Variants in DNAH9 observed in about 807,000 individuals in gnomAD.
DNAH9 encodes dynein axonemal heavy chain 9.
DNAH9 carries 345 observed loss-of-function variants against 471.6 expected under a neutral mutation model. The ratio of observed to expected loss-of-function variants is 0.73; its 90% CI spans 0.67 to 0.80. The LOEUF (loss-of-function observed/expected upper bound fraction) is 0.80. DNAH9 is among the 30% of genes least tolerant of loss of function. The pLI is 0.00. For synonymous variants in DNAH9, 2,093 were observed against 2,123.6 expected (o/e 0.99, Z 0.40); for missense variants, 5,407 against 5,609.2 (o/e 0.96, Z 1.15).
rs746429745 is a variant in DNAH9 at position 11,780,924 on chromosome 17, T to C, written c.7553-85T>C. The C allele has an allele frequency of 3.3e-4, 474 of 1,429,384 alleles. 2 individuals are homozygous for C. The highest frequency in any genetic ancestry group is 4.1e-4 in the Non-Finnish European group (428 of 1,055,298). 88.5% of individuals were successfully genotyped at this position (1,429,384 alleles called of 1,614,324 possible). A position where few individuals can be genotyped will look rare whatever the true frequency, so the allele number is the denominator to read the frequency against. On this transcript the variant is annotated intron_variant, in intron 38 of 68. Coordinates refer to ENST00000262442, the MANE Select transcript of DNAH9 (RefSeq NM_001372.4). ...TTTTGCACACATGAAGGCAGCACCA[T>C]TGCTTCTCCTTGAAATCTTTGCTGT... is the stretch of plus-strand genomic sequence containing the variant.
At position 11,952,831 on chromosome 17, in the gene DNAH9, G is replaced by A. The variant is rs114656140; in HGVS notation, c.12844-9036G>A. On this transcript the variant is annotated intron_variant, in intron 67 of 68. Transcript: ENST00000262442. ...GGTACAGCTGCTGTAACAAAATACC[G>A]TAGACGGTGTGGCTTAAACAACAGA... Among the ~76,000 whole-genome samples, 929 of 152,160 alleles carry A rather than the reference G, an allele frequency of 6.1e-3. 10 individuals are homozygous for A. Among genetic ancestry groups the A allele is most frequent in the African/African-American group, 0.02 (836 of 41,514 alleles).
intron 52 of DNAH9, among the ~76,000 whole-genome samples, chr17:11,874,235 A>G (rs1368415162): frequency 7.4e-6 from 1 of 134,838 alleles, no homozygotes; most frequent in Non-Finnish European, 1.6e-5. Context: ...ACAGAGCAAG[A>G]TTCCATCTCA....
Position 11,757,566 on chromosome 17 carries a change from C to A in DNAH9, c.6869C>A (p.Ala2290Glu). 1 of 1,613,688 alleles carries A rather than the reference C, an allele frequency of 6.2e-7. No homozygotes were observed. The highest frequency in any genetic ancestry group is 8.5e-7 in the Non-Finnish European group (1 of 1,179,620). ...SRAGILYINP[A>E]DLGWNPPVSS... The stretch of plus-strand genomic sequence containing the variant: ...ACAGGGATCTTGTACATCAACCCGG[C>A]AGACTTGGGATGGAACCCTCCAGTG... The change falls in exon 35 of 69, where the codon GCA (alanine) becomes GAA (glutamate). Residue 2290 changes from alanine to glutamate, a missense_variant. By Grantham distance (107) the Ala-to-Glu change is moderately radical (BLOSUM62 -1). Around this residue, in one of 3 missense-constraint regions of DNAH9, gnomAD observed 4,636 missense variants for 4,900.3 expected, o/e 0.95. Coordinates refer to ENST00000262442, the MANE Select transcript of DNAH9 (RefSeq NM_001372.4).
intron 67 of DNAH9, among the ~76,000 whole-genome samples, chr17:11,954,822 A>ATGAT (rs1186041762): frequency 6.6e-6 from 1 of 151,906 alleles, no homozygotes; most frequent in Non-Finnish European, 1.5e-5. Flanking sequence ...AAGAAAGAAA[A>ATGAT]TGATATATGG....
chr17:11,611,904 CT>C, intron 4 of DNAH9, 124 bp downstream of exon 4: 1 of 908,522 alleles, frequency 1.1e-6, no homozygotes, highest in Non-Finnish European at 1.8e-6. Context: ...CCGACACAAA[CT>C]AGCATGGTGG....
At chr17:11,792,394 C>T (rs1969096982) in intron 41 of DNAH9, among the ~76,000 whole-genome samples, 1 of 152,192 alleles carries the variant, frequency 6.6e-6, no homozygotes, top group African/African-American at 2.4e-5. Context: ...ATTAAATGAT[C>T]CCTTTCCCTC....
At chr17:11,941,733 T>C (rs1025279533) in intron 66 of DNAH9, among the ~76,000 whole-genome samples, 1 of 148,014 alleles carries the variant, frequency 6.8e-6, no homozygotes, top group Admixed American at 6.8e-5. Flanking sequence ...GATAGATAGA[T>C]AGATAGTGAT....
At chr17:11,854,946 T>A (rs1971570458) in intron 50 of DNAH9, among the ~76,000 whole-genome samples, 1 of 152,234 alleles carries the variant, frequency 6.6e-6, no homozygotes. Context: ...TAAACTCATG[T>A]AGATATTGTT....
intron 19 of DNAH9, among the ~76,000 whole-genome samples, chr17:11,683,208 C>G (rs2074167712): frequency 6.6e-6 from 1 of 152,192 alleles, no homozygotes; most frequent in Non-Finnish European, 1.5e-5. Flanking sequence ...GAGTCTAACT[C>G]TGTCACCCAG....
chr17:11,869,249 G>T lies in DNAH9; in HGVS notation c.10049G>T (p.Arg3350Leu), dbSNP rs761582456. The change falls in exon 51 of 69, where the codon CGC becomes CTC. Residue 3350 changes from arginine to leucine, a missense_variant. Transcript: ENST00000262442. ...VTAVTISLAN[R>L]LVGGLASENV... ...GCAGTCACCATCTCCCTTGCCAACCGCCTGGTGAGTGTAAGCCACAGCAGC... is the reference window on the plus strand; with the variant it reads ...GCAGTCACCATCTCCCTTGCCAACCTCCTGGTGAGTGTAAGCCACAGCAGC... The T allele has an allele frequency of 6.2e-7, 1 of 1,613,318 alleles. No individual in the cohort carries two copies.
chr17:11,940,798 T>G (rs186715088), intron 66 of DNAH9, among the ~76,000 whole-genome samples: 179 of 152,320 alleles, frequency 1.2e-3, no homozygotes, highest in Non-Finnish European at 2.0e-3. Context: ...AAAAAGACAC[T>G]CTTGGAAGTG....
Position 11,875,007 on chromosome 17 carries a change from A to G in DNAH9, c.10301A>G (p.Asp3434Gly), listed in dbSNP as rs1372529177. The G allele has an allele frequency of 6.2e-7, 1 of 1,614,104 alleles. No individual in the cohort carries two copies. Among genetic ancestry groups the G allele is most frequent in the Non-Finnish European group, 8.5e-7 (1 of 1,180,010 alleles). ...DPLRMLMDDA[D>G]VAAWQNEGLP... The stretch of plus-strand genomic sequence containing the variant: ...CTGAGGATGCTGATGGATGATGCTG[A>G]CGTGGCTGCCTGGCAGAACGAGGGC... Residue 3434 changes from aspartate (D) to glycine (G), a missense_variant, in exon 53 of 69, where the codon GAC (aspartate) becomes GGC (glycine). Physicochemically the swap from Asp to Gly is moderately conservative, Grantham distance 94 (BLOSUM62 -1). Around this residue, in one of 3 missense-constraint regions of DNAH9, gnomAD observed 4,636 missense variants for 4,900.3 expected, o/e 0.95. Coordinates refer to ENST00000262442, the MANE Select transcript of DNAH9 (RefSeq NM_001372.4).
chr17:11,857,856 C>A (rs1269740279), intron 50 of DNAH9, among the ~76,000 whole-genome samples: 1 of 152,106 alleles, frequency 6.6e-6, no homozygotes, highest in African/African-American at 2.4e-5. Flanking sequence ...CCTGCTCTGG[C>A]CATATGATGT....
chr17:11,904,821 T>C (rs749795008), intron 60 of DNAH9, among the ~76,000 whole-genome samples: 1 of 151,980 alleles, frequency 6.6e-6, no homozygotes, highest in Non-Finnish European at 1.5e-5. Flanking sequence ...GACCAGGAGC[T>C]GGGTCAGATG....
Position 11,689,708 on chromosome 17 carries a change from A to C in DNAH9, c.3886A>C (p.Arg1296=). The change falls in exon 20 of 69, where the codon AGG becomes CGG. Residue 1296 remains arginine, a synonymous_variant. Transcript: ENST00000262442. ...TGACTATAAGCAGCTGAGGCAGTGC[A>C]GGAAGGAGGTCTGCCAGCTGAAGGA... ...VPDYKQLRQC[R]KEVCQLKELW... The C allele has an allele frequency of 1.2e-6, 2 of 1,614,234 alleles. No individual in the cohort carries two copies. The highest frequency in any genetic ancestry group is 1.7e-5 in the Admixed American group (1 of 60,034).
chr17:11,863,164 A>C (rs1361524397), intron 50 of DNAH9, among the ~76,000 whole-genome samples: 1 of 152,204 alleles, frequency 6.6e-6, no homozygotes, highest in Admixed American at 6.5e-5. Flanking sequence ...GATTTGTCAT[A>C]GATAGCTGTT....
At chr17:11,629,628 G>A (rs771132937) in intron 7 of DNAH9, 44 bp downstream of exon 7, 36 of 1,578,412 alleles carry the variant, frequency 2.3e-5, no homozygotes, top group South Asian at 1.8e-4. Context: ...CCTCTGTCCC[G>A]GATGCCTCTC....
At chr17:11,915,417 G>A (rs192150315) in intron 61 of DNAH9, among the ~76,000 whole-genome samples, 19 of 152,108 alleles carry the variant, frequency 1.2e-4, no homozygotes, top group Admixed American at 3.9e-4. Flanking sequence ...CCAGCTACTC[G>A]GGAGGCTGAG....
intron 14 of DNAH9, among the ~76,000 whole-genome samples, chr17:11,657,014 A>G (rs781641575): frequency 1.3e-5 from 2 of 152,162 alleles, no homozygotes; most frequent in African/African-American, 4.8e-5. Flanking sequence ...TTCTAGTTTC[A>G]GACTATTATA....
Sources: allele counts gnomAD v4.1 joint callset (sites outside exome capture counted in the v4.1 genomes callset), GRCh38; gene constraint gnomAD v4.1.1; regional missense constraint gnomAD v4.1.1; transcripts MANE v1.5; gene names NCBI Gene and HGNC (gene_info 2026-07-23, HGNC 2026-07-21).